The following SLC35A3 variants were observed in gnomAD, a reference collection of about 807,000 sequenced individuals.
SLC35A3 encodes the protein UDP-N-acetylglucosamine transporter.
SLC35A3 carries 26 observed loss-of-function variants against 39.0 expected under a neutral mutation model. That is an observed-to-expected ratio of 0.67 (90% confidence interval 0.49 to 0.92). SLC35A3 has a LOEUF of 0.92. Among genes scored for constraint, SLC35A3 ranks in the 40% least tolerant of loss-of-function variants. The pLI is 0.00. For synonymous variants in SLC35A3, 135 were observed against 133.1 expected (o/e 1.01, Z -0.10); for missense variants, 299 against 371.6 (o/e 0.80, Z 1.61).
Position 100,034,077 on chromosome 1 carries a change from T to C in SLC35A3, c.*11601T>C, listed in dbSNP as rs1013652866. 2.6e-5 allele frequency: 4 copies of C among 152,242 alleles called. No individual in the cohort carries two copies. The East Asian group carries it at 7.7e-4, about 29-fold the overall frequency. 9.4% of individuals were successfully genotyped at this position (152,242 alleles called of 1,614,324 possible). On this transcript the variant is annotated 3_prime_UTR_variant, in exon 8 of 8. Coordinates refer to ENST00000533028, the MANE Select transcript of SLC35A3 (RefSeq NM_012243.3). ...GAGTTTGTCTGAATTTGTGCTTCACTGTTGGGTTGCTTGATGTTATCATCA... is the reference window on the plus strand; with the variant it reads ...GAGTTTGTCTGAATTTGTGCTTCACCGTTGGGTTGCTTGATGTTATCATCA...
chr1:100,027,659 T>C lies in SLC35A3; in HGVS notation c.*5183T>C, dbSNP rs1186205641. ...TAATTGCTTCCATTGTGACTGTCAA[T>C]TGAATGCATGGAGATCAATTGTGAT... On this transcript the variant is annotated 3_prime_UTR_variant, in exon 8 of 8. Transcript: ENST00000533028. The C allele has an allele frequency of 6.6e-6, 1 of 152,474 alleles. No homozygotes were observed. Among genetic ancestry groups the C allele is most frequent in the African/African-American group, 2.4e-5 (1 of 41,486 alleles). The allele number at this position is 152,474 out of a possible 1,614,324, so 9.4% of individuals were successfully genotyped here. A position where few individuals can be genotyped will look rare whatever the true frequency, so the allele number is the denominator to read the frequency against.
intron 2 of SLC35A3, among the ~76,000 whole-genome samples, chr1:99,994,467 A>C (rs535119615): frequency 6.6e-6 from 1 of 152,170 alleles, no homozygotes; most frequent in African/African-American, 2.4e-5. Context: ...CCTTACCCAC[A>C]GCCCCTAGTA....
At chr1:99,999,673 A>G (rs1658632521) in intron 3 of SLC35A3, among the ~76,000 whole-genome samples, 2 of 152,150 alleles carry the variant, frequency 1.3e-5, no homozygotes, top group Admixed American at 1.3e-4. Flanking sequence ...TGCTAACACT[A>G]GAACTTATTC....
At chr1:100,006,939 C>A in intron 3 of SLC35A3, 95 bp from the exon 4 acceptor site, 1 of 1,363,766 alleles carries the variant, frequency 7.3e-7, no homozygotes, top group Non-Finnish European at 9.7e-7. Context: ...ACCAGGCATG[C>A]TGCCATAGTC....
chr1:99,975,694 A>G (rs1570561122), intron 1 of SLC35A3, among the ~76,000 whole-genome samples: 1 of 152,168 alleles, frequency 6.6e-6, no homozygotes, highest in South Asian at 2.1e-4. Context: ...GTAGGTTGGG[A>G]CCAGATTATG....
At chr1:99,987,084 G>A (rs1657786410) in intron 1 of SLC35A3, among the ~76,000 whole-genome samples, 1 of 152,230 alleles carries the variant, frequency 6.6e-6, no homozygotes, top group African/African-American at 2.4e-5. Context: ...AAAGGCACCA[G>A]GATGTCCTGG....
chr1:99,974,171 C>A (rs1306959587), intron 1 of SLC35A3, among the ~76,000 whole-genome samples: 1 of 152,012 alleles, frequency 6.6e-6, no homozygotes, highest in Non-Finnish European at 1.5e-5. Context: ...TTTCTAAATT[C>A]ATATATGCTA....
At chr1:100,015,000 T>A (rs1659961879) in intron 5 of SLC35A3, among the ~76,000 whole-genome samples, 1 of 151,526 alleles carries the variant, frequency 6.6e-6, no homozygotes, top group Admixed American at 6.6e-5. Context: ...CTACTAAAAA[T>A]ACAAAAAATT....
At chr1:99,972,202 AT>A (rs953368592) in intron 1 of SLC35A3, among the ~76,000 whole-genome samples, 16 of 148,226 alleles carry the variant, frequency 1.1e-4, no homozygotes, top group East Asian at 2.0e-4. Context: ...CGCCCAGCCC[AT>A]TTTTTTTTCT....
intron 1 of SLC35A3, among the ~76,000 whole-genome samples, chr1:99,977,908 G>A (rs1302292879): frequency 6.6e-6 from 1 of 152,148 alleles, no homozygotes; most frequent in Non-Finnish European, 1.5e-5. Flanking sequence ...ATGTTAGTAC[G>A]TGGGGAGCAA....
At chr1:99,972,898 T>C (rs1183456679) in intron 1 of SLC35A3, among the ~76,000 whole-genome samples, 3 of 152,220 alleles carry the variant, frequency 2.0e-5, no homozygotes, top group Non-Finnish European at 4.4e-5. Flanking sequence ...ATTTTATAGA[T>C]AAGAATATTA....
intron 5 of SLC35A3, 117 bp from the exon 6 acceptor site, chr1:100,015,185 A>C: frequency 1.0e-6 from 1 of 962,746 alleles, no homozygotes; most frequent in Non-Finnish European, 1.4e-6. Context: ...AAAGAAAGTA[A>C]TCTAATTTTA....
In SLC35A3 at chr1:100,007,154, C is replaced by A. The variant is rs1385539368; in HGVS notation, c.463C>A (p.Gln155Lys). 3 of 1,604,628 alleles carry A rather than the reference C, an allele frequency of 1.9e-6. No homozygotes were observed. In the Admixed American group the frequency reaches 5.1e-5, roughly 27 times the overall value. ...VILMTGVAFV[Q>K]WPSDSQLDSK... ...TTTGATGACAGGAGTTGCTTTTGTA[C>A]AGGTAACTATTCAAGATAAGTATAT... The change falls in exon 4 of 8, where the codon CAG becomes AAG. Residue 155 changes from glutamine to lysine, a missense_variant and splice_region_variant. Physicochemically the swap from Gln to Lys is moderately conservative, Grantham distance 53. Transcript: ENST00000533028.
intron 1 of SLC35A3, among the ~76,000 whole-genome samples, chr1:99,987,183 A>G (rs1370186256): frequency 6.6e-6 from 1 of 152,242 alleles, no homozygotes. Flanking sequence ...GACCTTGAAC[A>G]AATCATCTAC....
intron 1 of SLC35A3, among the ~76,000 whole-genome samples, chr1:99,977,381 A>G (rs1392697381): frequency 6.6e-6 from 1 of 151,464 alleles, no homozygotes; most frequent in Non-Finnish European, 1.5e-5. Context: ...AAAAAAAAAA[A>G]AAATTAGCTG....
intron 7 of SLC35A3, among the ~76,000 whole-genome samples, chr1:100,019,514 C>T (rs1660387244): frequency 1.3e-5 from 2 of 152,102 alleles, no homozygotes; most frequent in African/African-American, 4.8e-5. Flanking sequence ...ATGCATCTTA[C>T]CTTTGTGGAG....
intron 1 of SLC35A3, among the ~76,000 whole-genome samples, chr1:99,986,505 G>C (rs1162597415): frequency 6.6e-6 from 1 of 151,922 alleles, no homozygotes; most frequent in East Asian, 1.9e-4. Context: ...TTATTATGGG[G>C]AATGTTTATA....
rs1557854108 is a variant in SLC35A3, at chr1:100,027,369, T to C, written c.*4893T>C. ...CAGGAGGCTGAGGCAGAAGGATTGCTTGAGCCCAGCAATTTGATGCTGCAG... is the reference window on the plus strand; with the variant it reads ...CAGGAGGCTGAGGCAGAAGGATTGCCTGAGCCCAGCAATTTGATGCTGCAG... On this transcript the variant is annotated 3_prime_UTR_variant, in exon 8 of 8. Transcript: ENST00000533028. 2 of 390,358 alleles carry C rather than the reference T, an allele frequency of 5.1e-6. No homozygotes were observed. Among genetic ancestry groups the C allele is most frequent in the Non-Finnish European group, 9.0e-6 (2 of 221,494 alleles). The allele number at this position is 390,358 out of a possible 1,614,324, so 24.2% of individuals were successfully genotyped here.
intron 1 of SLC35A3, among the ~76,000 whole-genome samples, chr1:99,980,020 G>A (rs961482338): frequency 4.0e-5 from 6 of 151,546 alleles, no homozygotes; most frequent in African/African-American, 1.5e-4. Context: ...CTCCAGCCTG[G>A]GCAACAGAGC....
Sources: allele counts gnomAD v4.1 joint callset (sites outside exome capture counted in the v4.1 genomes callset), GRCh38; gene constraint gnomAD v4.1.1; transcripts MANE v1.5; gene names NCBI Gene and HGNC (gene_info 2026-07-23, HGNC 2026-07-21).